TBC1D2B: variants seen among roughly 807,000 people sequenced by gnomAD.
TBC1D2B encodes TBC1 domain family, member 2B.
A neutral mutation model predicts 100.8 loss-of-function variants in TBC1D2B; 64 were observed. The ratio of observed to expected loss-of-function variants is 0.64; its 90% CI spans 0.52 to 0.78. TBC1D2B has a LOEUF of 0.78. Ranked by LOEUF, TBC1D2B falls within the 30% of genes least tolerant of loss-of-function variation. The pLI is 0.00. For synonymous variants in TBC1D2B, 480 were observed against 479.7 expected (o/e 1.00, Z -0.01); for missense variants, 1,052 against 1,218.4 (o/e 0.86, Z 2.03).
intron 1 of TBC1D2B, among the ~76,000 whole-genome samples, chr15:78,062,130 C>A (rs2073559194): frequency 1.3e-5 from 2 of 152,182 alleles, no homozygotes; most frequent in Admixed American, 1.3e-4. Context: ...GGCAACCCTG[C>A]AAGCCGTCTC....
chr15:78,024,432 C>G lies in TBC1D2B; in HGVS notation c.1194G>C (p.Leu398=). The G allele has an allele frequency of 2.5e-6, 4 of 1,614,034 alleles. No individual in the cohort carries two copies. Among genetic ancestry groups the G allele is most frequent in the Non-Finnish European group, 3.4e-6 (4 of 1,179,904 alleles). The part of the protein sequence containing the change: ...EGVPKDTLEL[L]HQKDDQILGL... ...CCAGAATCTGATCATCCTTTTGGTG[C>G]AGAAGCTCGAGCGTGTCCTTTGGGA... is the stretch of plus-strand genomic sequence containing the variant. The change falls in exon 6 of 13, where the codon CTG becomes CTC. Residue 398 remains leucine, a synonymous_variant. Coordinates refer to ENST00000300584, the MANE Select transcript of TBC1D2B (RefSeq NM_144572.2).
chr15:78,004,888 G>A (rs1013224668), intron 10 of TBC1D2B, among the ~76,000 whole-genome samples: 15 of 152,182 alleles, frequency 9.9e-5, no homozygotes, highest in Non-Finnish European at 2.2e-4. Flanking sequence ...GTGGACCCAT[G>A]CAGTTCAAAC....
At chr15:78,005,671 A>C (rs768652875) in intron 10 of TBC1D2B, among the ~76,000 whole-genome samples, 1 of 152,230 alleles carries the variant, frequency 6.6e-6, no homozygotes, top group Non-Finnish European at 1.5e-5. Context: ...TTGGATACCT[A>C]TGTGAACTAG....
chr15:77,996,121 A>C lies in TBC1D2B; in HGVS notation c.*2039T>G, dbSNP rs1338317987. On this transcript the variant is annotated 3_prime_UTR_variant, in exon 13 of 13. Coordinates refer to ENST00000300584, the MANE Select transcript of TBC1D2B (RefSeq NM_144572.2). ...TGTCCCCAGTCCCTTTCCTCCAGGA[A>C]CTCTCCTGCTGTCGCACACACACAC... The C allele has an allele frequency of 1.3e-5, 2 of 151,722 alleles. No individual in the cohort carries two copies. The highest frequency in any genetic ancestry group is 2.9e-5 in the Non-Finnish European group (2 of 67,950). 9.4% of individuals were successfully genotyped at this position (151,722 alleles called of 1,614,324 possible).
At chr15:78,074,389 C>T (rs530132932) in intron 1 of TBC1D2B, among the ~76,000 whole-genome samples, 46 of 152,126 alleles carry the variant, frequency 3.0e-4, no homozygotes, top group Non-Finnish European at 6.3e-4. Flanking sequence ...AGCCAACACT[C>T]GGTACTATCT....
chr15:78,019,872 T>C (rs1042121351), intron 6 of TBC1D2B, among the ~76,000 whole-genome samples: 1 of 145,934 alleles, frequency 6.9e-6, no homozygotes. Context: ...CTGGGTGAAA[T>C]AGTGAGACTC....
chr15:78,076,613 G>T (rs973605066), intron 1 of TBC1D2B, among the ~76,000 whole-genome samples: 1 of 151,960 alleles, frequency 6.6e-6, no homozygotes, highest in Non-Finnish European at 1.5e-5. Context: ...TTAGCCAGGC[G>T]TGGTGGCCCG....
chr15:78,006,254 A>T (rs1416111349), intron 10 of TBC1D2B, among the ~76,000 whole-genome samples: 2 of 152,212 alleles, frequency 1.3e-5, no homozygotes, highest in Non-Finnish European at 2.9e-5. Flanking sequence ...TGATATTTTA[A>T]ATTTGAGTCT....
Position 78,077,360 on chromosome 15 carries a change from G to A in TBC1D2B, c.293C>T (p.Ala98Val). ...CGCGGGCGGCTCCGTGCCCGGCTCC[G>A]CCGCCTCGTCGGGGCCCTGGTAGCT... The part of the protein sequence containing the change: ...CFSYQGPDEA[A>V]EPGTEPPAHF... Residue 98 changes from alanine to valine, a missense_variant, in exon 1 of 13, where the codon GCG (alanine) becomes GTG (valine). Around this residue, in one of 4 missense-constraint regions of TBC1D2B, gnomAD observed 627 missense variants for 646.1 expected, o/e 0.97. Coordinates refer to ENST00000300584, the MANE Select transcript of TBC1D2B (RefSeq NM_144572.2). 9 of 1,539,260 alleles carry A rather than the reference G, an allele frequency of 5.8e-6. No individual in the cohort carries two copies. The highest frequency in any genetic ancestry group is 7.0e-6 in the Non-Finnish European group (8 of 1,142,904).
intron 1 of TBC1D2B, among the ~76,000 whole-genome samples, chr15:78,074,397 T>C (rs759338464): frequency 2.0e-5 from 3 of 152,204 alleles, no homozygotes; most frequent in African/African-American, 7.2e-5. Context: ...CTCGGTACTA[T>C]CTTATTCTGT....
chr15:78,045,789 G>C (rs763153373), intron 2 of TBC1D2B, among the ~76,000 whole-genome samples: 7 of 152,070 alleles, frequency 4.6e-5, no homozygotes, highest in Non-Finnish European at 1.0e-4. Flanking sequence ...TAACAAAGCA[G>C]GGTATCAATG....
chr15:78,065,248 A>C (rs1455006272), intron 1 of TBC1D2B, among the ~76,000 whole-genome samples: 1 of 152,258 alleles, frequency 6.6e-6, no homozygotes, highest in East Asian at 1.9e-4. Flanking sequence ...ATACCATTTA[A>C]CAGAGATTAG....
chr15:78,028,466 G>A (rs541225217), intron 4 of TBC1D2B, among the ~76,000 whole-genome samples: 5 of 152,298 alleles, frequency 3.3e-5, no homozygotes, highest in South Asian at 2.1e-4. Context: ...GCGAGACTCC[G>A]TCTCAATAAA....
chr15:78,040,859 A>AAGG (rs1567026197), intron 3 of TBC1D2B, among the ~76,000 whole-genome samples: 79 of 121,486 alleles, frequency 6.5e-4, no homozygotes, highest in African/African-American at 2.3e-3. Flanking sequence ...AGAAAGGAAG[A>AAGG]AAGAAAGAAA....
intron 6 of TBC1D2B, among the ~76,000 whole-genome samples, chr15:78,022,614 C>T (rs77690996): frequency 1.0e-3 from 157 of 152,176 alleles, no homozygotes; most frequent in African/African-American, 3.6e-3. Flanking sequence ...TGAGGATCTC[C>T]GCTCACTGCA....
intron 3 of TBC1D2B, chr15:78,034,798 T>G: frequency 1.3e-5 from 12 of 939,894 alleles, no homozygotes; most frequent in Non-Finnish European, 1.4e-5. Context: ...GCTGAAACAG[T>G]ATATAGCCAA....
chr15:78,007,969 CAGG>C (rs2072111355), intron 10 of TBC1D2B, among the ~76,000 whole-genome samples: 1 of 152,222 alleles, frequency 6.6e-6, no homozygotes, highest in Non-Finnish European at 1.5e-5. Context: ...CCAAGTGGTG[CAGG>C]AGAAGGGCAA....
chr15:78,022,366 A>G (rs901588986), intron 6 of TBC1D2B, among the ~76,000 whole-genome samples: 8 of 152,232 alleles, frequency 5.3e-5, no homozygotes, highest in African/African-American at 1.9e-4. Context: ...CTCAAAAAAA[A>G]TAAATACATA....
chr15:78,076,530 G>A (rs903065677), intron 1 of TBC1D2B, among the ~76,000 whole-genome samples: 1 of 152,040 alleles, frequency 6.6e-6, no homozygotes, highest in East Asian at 1.9e-4. Context: ...GGATGGTTTC[G>A]GCCCAGGAGT....
Sources: gnomAD v4.1 joint callset for allele counts (sites outside exome capture counted in the v4.1 genomes callset) on GRCh38, gnomAD v4.1.1 for gene constraint, gnomAD v4.1.1 regional missense constraint, MANE v1.5 for transcripts, NCBI Gene and HGNC (gene_info 2026-07-23, HGNC 2026-07-21) for gene names.